The following RANBP3 variants were observed in gnomAD, a reference collection of about 807,000 sequenced individuals.
RANBP3 encodes the protein RAN binding protein 3.
Under a neutral mutation model 77.3 loss-of-function variants are expected in RANBP3, and 14 were observed. The ratio of observed to expected loss-of-function variants is 0.18; its 90% CI spans 0.12 to 0.28. The LOEUF is 0.28. RANBP3 is among the 10% of genes least tolerant of loss of function. RANBP3 has a pLI of 1.00. For synonymous variants in RANBP3, 315 were observed against 312.4 expected (o/e 1.01, Z -0.09); for missense variants, 586 against 752.3 (o/e 0.78, Z 2.59).
At chr19:5,940,290 T>C (rs999513282) in intron 5 of RANBP3, among the ~76,000 whole-genome samples, 9 of 152,114 alleles carry the variant, frequency 5.9e-5, no homozygotes, top group African/African-American at 2.2e-4. Context: ...ACAGCAAGCA[T>C]GGTTCAGCAG....
rs1431045808 is a variant in RANBP3 at position 5,921,589 on chromosome 19, C to T, written c.1210-268G>A. Among the ~76,000 whole-genome samples, 2 of 152,230 alleles carry T rather than the reference C, an allele frequency of 1.3e-5. No homozygotes were observed. The highest frequency in any genetic ancestry group is 2.9e-5 in the Non-Finnish European group (2 of 68,036). The stretch of plus-strand genomic sequence containing the variant: ...CTGCGCACTCTAGGACGGCTATACC[C>T]ATGTGGGGAAGCTGGAACCCTCACA... On this transcript the variant is annotated intron_variant, in intron 13 of 16. Transcript: ENST00000340578. The surrounding 1 kb of genome is among the most constrained non-coding windows in gnomAD (Gnocchi z 5.3).
intron 8 of RANBP3, 114 bp downstream of exon 8, chr19:5,931,290 G>T (rs1247807277): frequency 2.3e-6 from 3 of 1,300,652 alleles, no homozygotes; most frequent in Non-Finnish European, 1.0e-6. Context: ...GGCCCACGTG[G>T]AAACTGCTTG....
At chr19:5,927,561 C>T (rs772486701) in intron 9 of RANBP3, among the ~76,000 whole-genome samples, 1 of 152,210 alleles carries the variant, frequency 6.6e-6, no homozygotes, top group Non-Finnish European at 1.5e-5. Flanking sequence ...ATGGTCCAGC[C>T]GTAATGCTGC....
chr19:5,955,570 T>G (rs1325369387), intron 2 of RANBP3, among the ~76,000 whole-genome samples: 1 of 152,254 alleles, frequency 6.6e-6, no homozygotes, highest in Non-Finnish European at 1.5e-5. Flanking sequence ...CAGCAGCTAG[T>G]GACTTTAAAA....
intron 15 of RANBP3, 29 bp from the exon 16 acceptor site, chr19:5,918,009 C>G (rs773011588): frequency 1.3e-6 from 2 of 1,554,860 alleles, no homozygotes; most frequent in East Asian, 4.6e-5. Flanking sequence ...ATGAGACCCC[C>G]GGACCCCAGT....
At chr19:5,966,295 T>C (rs967879894) in intron 1 of RANBP3, among the ~76,000 whole-genome samples, 5 of 152,180 alleles carry the variant, frequency 3.3e-5, no homozygotes. Flanking sequence ...ACAGGTCACA[T>C]GACCACCTGC....
intron 1 of RANBP3, among the ~76,000 whole-genome samples, chr19:5,968,391 G>A (rs966199540): frequency 6.6e-6 from 1 of 152,182 alleles, no homozygotes; most frequent in African/African-American, 2.4e-5. Context: ...GCATATCAGG[G>A]CTGTTATTTC....
chr19:5,962,782 G>A (rs1329236867), intron 1 of RANBP3: 1 of 455,764 alleles, frequency 2.2e-6, no homozygotes, highest in Non-Finnish European at 4.4e-6. Flanking sequence ...CTGCAAATCA[G>A]CACGGCTATC....
At chr19:5,973,493 T>C (rs1387336187) in intron 1 of RANBP3, among the ~76,000 whole-genome samples, 1 of 152,184 alleles carries the variant, frequency 6.6e-6, no homozygotes, top group Non-Finnish European at 1.5e-5. Flanking sequence ...GATCCTACAG[T>C]GCACAGCGCA....
At chr19:5,929,698 C>T (rs2057962341) in intron 8 of RANBP3, among the ~76,000 whole-genome samples, 1 of 152,200 alleles carries the variant, frequency 6.6e-6, no homozygotes, top group African/African-American at 2.4e-5. Context: ...TCATAGCTCA[C>T]GTTCCCGATG....
intron 5 of RANBP3, among the ~76,000 whole-genome samples, chr19:5,941,188 G>A (rs1039129162): frequency 1.3e-5 from 2 of 152,190 alleles, no homozygotes; most frequent in Non-Finnish European, 2.9e-5. Context: ...GTGTACATGC[G>A]TGTGTGTGTC....
chr19:5,932,344 T>A, intron 7 of RANBP3, 108 bp downstream of exon 7: 1 of 811,724 alleles, frequency 1.2e-6, no homozygotes, highest in Non-Finnish European at 2.1e-6. Context: ...TCTGTATTTC[T>A]GGTGCATTCA....
intron 2 of RANBP3, among the ~76,000 whole-genome samples, chr19:5,953,928 C>A (rs1388632375): frequency 6.6e-6 from 1 of 152,182 alleles, no homozygotes; most frequent in East Asian, 1.9e-4. Context: ...ATTTGGCAAC[C>A]TCACCCAAGG....
At chr19:5,928,394 A>G (rs2057941519) in intron 8 of RANBP3, 1 of 217,446 alleles carries the variant, frequency 4.6e-6, no homozygotes, top group African/African-American at 2.3e-5. Flanking sequence ...CTGGTTGCTC[A>G]TCATTGGCCA....
At chr19:5,951,849 C>T (rs1344357773) in intron 2 of RANBP3, among the ~76,000 whole-genome samples, 1 of 152,182 alleles carries the variant, frequency 6.6e-6, no homozygotes, top group African/African-American at 2.4e-5. Flanking sequence ...GTATGAGAAG[C>T]AGGACCCTCG....
At chr19:5,963,109 A>G (rs75566110) in intron 1 of RANBP3, among the ~76,000 whole-genome samples, 14,134 of 152,272 alleles carry the variant, frequency 0.093, 765 homozygotes, top group Middle Eastern at 0.21. Context: ...TAGGAGTCAA[A>G]TGCAGACTAT....
intron 2 of RANBP3, among the ~76,000 whole-genome samples, chr19:5,954,015 A>G (rs1208780294): frequency 1.3e-5 from 2 of 152,234 alleles, no homozygotes; most frequent in East Asian, 3.9e-4. Flanking sequence ...CTGACACATC[A>G]ACGGGACCCA....
Position 5,917,286 on chromosome 19 carries a change from C to T in RANBP3, c.*324G>A. ...TCTGGCTGGACCCAGAGGCTGGCGA[C>T]ACGCGGGGTGAAGGAACGAGGTCTC... On this transcript the variant is annotated 3_prime_UTR_variant, in exon 17 of 17. Coordinates refer to ENST00000340578, the MANE Select transcript of RANBP3 (RefSeq NM_007322.3). 2.4e-6 allele frequency: 1 copy of T among 409,048 alleles called. No homozygotes were observed. Among genetic ancestry groups the T allele is most frequent in the Non-Finnish European group, 4.5e-6 (1 of 224,616 alleles). The allele number at this position is 409,048 out of a possible 1,614,324, so 25.3% of individuals were successfully genotyped here. A position where few individuals can be genotyped will look rare whatever the true frequency, so the allele number is the denominator to read the frequency against.
intron 1 of RANBP3, among the ~76,000 whole-genome samples, chr19:5,968,296 G>C (rs2058491783): frequency 2.0e-5 from 3 of 152,236 alleles, no homozygotes; most frequent in Admixed American, 2.0e-4. Flanking sequence ...TCTGGTCTTT[G>C]TGTGTGTTCA....
Sources: gnomAD v4.1 joint callset for allele counts (sites outside exome capture counted in the v4.1 genomes callset) on GRCh38, gnomAD v4.1.1 for gene constraint, Gnocchi (gnomAD v3.1) non-coding constraint, MANE v1.5 for transcripts, NCBI Gene and HGNC (gene_info 2026-07-23, HGNC 2026-07-21) for gene names.